The following RAB8B variants were observed in gnomAD, a reference collection of about 807,000 sequenced individuals.
The protein encoded by RAB8B is RAB8B, member RAS oncogene family.
A neutral mutation model predicts 32.0 loss-of-function variants in RAB8B; 11 were observed. The ratio of observed to expected loss-of-function variants is 0.34; its 90% CI spans 0.22 to 0.57. The LOEUF (loss-of-function observed/expected upper bound fraction) is 0.57. Ranked by LOEUF, RAB8B falls within the 20% of genes least tolerant of loss-of-function variation. The pLI is 0.86. For missense variants in RAB8B, 190 were observed against 258.5 expected (o/e 0.73, Z 1.82); for synonymous variants, 103 against 89.6 (o/e 1.15, Z -0.85).
At chr15:63,242,781 C>T (rs2038042952) in intron 1 of RAB8B, among the ~76,000 whole-genome samples, 1 of 151,710 alleles carries the variant, frequency 6.6e-6, no homozygotes, top group African/African-American at 2.4e-5. Flanking sequence ...TTAAGGGGTT[C>T]TATATAGCAG....
chr15:63,222,472 T>G (rs149591783), intron 1 of RAB8B, among the ~76,000 whole-genome samples: 1 of 152,324 alleles, frequency 6.6e-6, no homozygotes, highest in Non-Finnish European at 1.5e-5. Context: ...CATAACAACA[T>G]TATAGTGAAT....
At chr15:63,237,546 T>C (rs1414210015) in intron 1 of RAB8B, among the ~76,000 whole-genome samples, 1 of 152,224 alleles carries the variant, frequency 6.6e-6, no homozygotes, top group Non-Finnish European at 1.5e-5. Flanking sequence ...GAAAAATGTC[T>C]GCTTAGGTCT....
chr15:63,243,139 C>G (rs777893052), intron 1 of RAB8B, among the ~76,000 whole-genome samples: 1 of 152,276 alleles, frequency 6.6e-6, no homozygotes, highest in East Asian at 1.9e-4. Context: ...GGTTTGAGCA[C>G]CTATGAGAAT....
At chr15:63,220,965 T>C (rs1210097502) in intron 1 of RAB8B, among the ~76,000 whole-genome samples, 1 of 152,172 alleles carries the variant, frequency 6.6e-6, no homozygotes, top group Non-Finnish European at 1.5e-5. Context: ...ACAACAAAAA[T>C]AATTAATTGC....
intron 1 of RAB8B, among the ~76,000 whole-genome samples, chr15:63,216,480 T>C (rs971326825): frequency 1.3e-4 from 20 of 151,732 alleles, no homozygotes; most frequent in Admixed American, 7.9e-4. Flanking sequence ...CCACCTGCCT[T>C]GGCCTGCCAA....
At chr15:63,255,639 A>G in intron 4 of RAB8B, 55 bp downstream of exon 4, 1 of 1,414,402 alleles carries the variant, frequency 7.1e-7, no homozygotes, top group Non-Finnish European at 1.0e-6. Flanking sequence ...GGGTGCTTGT[A>G]AAAGGCTCCT....
chr15:63,221,436 A>G (rs1198711136), intron 1 of RAB8B, among the ~76,000 whole-genome samples: 1 of 152,190 alleles, frequency 6.6e-6, no homozygotes, highest in African/African-American at 2.4e-5. Flanking sequence ...TTGAATGGCC[A>G]TGTCAGTGGT....
At chr15:63,245,863 T>C (rs1432391513) in intron 2 of RAB8B, among the ~76,000 whole-genome samples, 1 of 152,238 alleles carries the variant, frequency 6.6e-6, no homozygotes, top group Non-Finnish European at 1.5e-5. Flanking sequence ...TATAACTTTA[T>C]ACAATATTTT....
In RAB8B at chr15:63,265,418, C is replaced by T. The variant is rs1393925714; in HGVS notation, c.*1799C>T. On this transcript the variant is annotated 3_prime_UTR_variant, in exon 8 of 8. Coordinates refer to ENST00000321437, the MANE Select transcript of RAB8B (RefSeq NM_016530.3). The surrounding 1 kb of genome is among the most constrained non-coding windows in gnomAD (Gnocchi z 4.9). ...ATTACCTATAGGCTTAAAAGTCATT[C>T]GTTGCTGTTCTAGTATAATTAGTAG... The T allele has an allele frequency of 6.6e-6, 1 of 150,492 alleles. No individual in the cohort carries two copies. Among genetic ancestry groups the T allele is most frequent in the African/African-American group, 2.4e-5 (1 of 40,916 alleles). The allele number at this position is 150,492 out of a possible 1,614,324, so 9.3% of individuals were successfully genotyped here.
intron 1 of RAB8B, among the ~76,000 whole-genome samples, chr15:63,227,787 A>G (rs1461845811): frequency 1.3e-5 from 2 of 152,202 alleles, no homozygotes; most frequent in African/African-American, 4.8e-5. Flanking sequence ...CAAATTGTTC[A>G]CCAAGGCTGC....
At chr15:63,211,727 GC>G (rs2037748483) in intron 1 of RAB8B, among the ~76,000 whole-genome samples, 1 of 152,124 alleles carries the variant, frequency 6.6e-6, no homozygotes, top group Non-Finnish European at 1.5e-5. Flanking sequence ...CTAGTCAATT[GC>G]AACTAGTGAC....
In RAB8B at chr15:63,262,755, T is replaced by G; in HGVS notation, c.531+13T>G. On this transcript the variant is annotated intron_variant, in intron 7 of 7. Transcript: ENST00000321437. The stretch of plus-strand genomic sequence containing the variant: ...CAACAGAAAAATGGTTTGTATCACT[T>G]ATAATTTTTATTTCCATTATGCTGT... The G allele has an allele frequency of 7.3e-7, 1 of 1,363,868 alleles. No homozygotes were observed. The highest frequency in any genetic ancestry group is 1.5e-5 in the African/African-American group (1 of 65,664). The allele number at this position is 1,363,868 out of a possible 1,614,324, so 84.5% of individuals were successfully genotyped here.
chr15:63,256,460 G>T, intron 4 of RAB8B, 45 bp from the exon 5 acceptor site: 1 of 1,419,368 alleles, frequency 7.0e-7, no homozygotes, highest in Non-Finnish European at 9.7e-7. Flanking sequence ...TAAGTAACGG[G>T]TTTTTCTCAG....
At chr15:63,218,212 A>G (rs1341327286) in intron 1 of RAB8B, among the ~76,000 whole-genome samples, 3 of 152,180 alleles carry the variant, frequency 2.0e-5, no homozygotes, top group Admixed American at 6.5e-5. Flanking sequence ...ACTTTCTACA[A>G]GTATAAGCAA....
Position 63,265,212 on chromosome 15 carries a change from A to T in RAB8B, c.*1593A>T, listed in dbSNP as rs2038236517. 6.6e-6 allele frequency: 1 copy of T among 152,240 alleles called. No homozygotes were observed. The highest frequency in any genetic ancestry group is 1.5e-5 in the Non-Finnish European group (1 of 68,024). 9.4% of individuals were successfully genotyped at this position (152,240 alleles called of 1,614,324 possible). ...CAGTGGAAAGGGATTGCTTGTTACC[A>T]CAGAGAATTCTCTTCAAATTAAGAT... On this transcript the variant is annotated 3_prime_UTR_variant, in exon 8 of 8. Transcript: ENST00000321437. The surrounding 1 kb of genome is among the most constrained non-coding windows in gnomAD (Gnocchi z 4.9).
intron 1 of RAB8B, among the ~76,000 whole-genome samples, chr15:63,193,204 T>C (rs2037573108): frequency 6.6e-6 from 1 of 152,180 alleles, no homozygotes; most frequent in Non-Finnish European, 1.5e-5. Flanking sequence ...CTCTCCAGCC[T>C]GGGAGACAGA....
At chr15:63,209,818 G>A (rs2037732802) in intron 1 of RAB8B, among the ~76,000 whole-genome samples, 1 of 151,662 alleles carries the variant, frequency 6.6e-6, no homozygotes, top group South Asian at 2.1e-4. Flanking sequence ...TGTTACACAG[G>A]TATACATGTG....
chr15:63,189,824 G>T, intron 1 of RAB8B, 76 bp downstream of exon 1: 2 of 1,275,088 alleles, frequency 1.6e-6, no homozygotes, highest in Middle Eastern at 2.4e-4. Flanking sequence ...AAGGGCGGGG[G>T]GCGCTTGGGA....
chr15:63,254,410 A>G (rs929315487), intron 3 of RAB8B, among the ~76,000 whole-genome samples: 4 of 151,930 alleles, frequency 2.6e-5, no homozygotes, highest in African/African-American at 9.7e-5. Flanking sequence ...TTAGCCATCT[A>G]CAAGAGGAAG....
Sources: gnomAD v4.1 joint callset for allele counts (sites outside exome capture counted in the v4.1 genomes callset) on GRCh38, gnomAD v4.1.1 for gene constraint, Gnocchi (gnomAD v3.1) non-coding constraint, MANE v1.5 for transcripts, NCBI Gene and HGNC (gene_info 2026-07-23, HGNC 2026-07-21) for gene names.